GARS1: variants seen among roughly 807,000 people sequenced by gnomAD.
The protein encoded by GARS1 is glycyl-tRNA synthetase 1.
GARS1 carries 46 observed loss-of-function variants against 86.4 expected under a neutral mutation model. That is an observed-to-expected ratio of 0.53 (90% CI 0.42 to 0.68). GARS1 has a LOEUF of 0.68. Ranked by LOEUF, GARS1 falls within the 30% of genes least tolerant of loss-of-function variation. The probability of loss-of-function intolerance (pLI) is 0.00; values close to 1 mark genes in which losing one functional copy is unlikely to be tolerated. For synonymous variants in GARS1, 342 were observed against 329.8 expected, an observed-to-expected ratio of 1.04 and a Z score of -0.40; for missense variants, 797 against 915.6, an observed-to-expected ratio of 0.87 and a Z score of 1.67.
chr7:30,600,558 C>A (rs1300596811), intron 3 of GARS1, among the ~76,000 whole-genome samples: 4 of 152,184 alleles, frequency 2.6e-5, no homozygotes, highest in Non-Finnish European at 2.9e-5. Flanking sequence ...CTATATTTTT[C>A]ATAGTCAACG....
chr7:30,604,370 A>G (rs1791441514), intron 6 of GARS1, among the ~76,000 whole-genome samples: 1 of 152,158 alleles, frequency 6.6e-6, no homozygotes, highest in Non-Finnish European at 1.5e-5. Flanking sequence ...AATTTTATTT[A>G]CTTCCTTGGG....
intron 7 of GARS1, among the ~76,000 whole-genome samples, chr7:30,610,528 A>G (rs192588586): frequency 1.0e-3 from 156 of 152,346 alleles, no homozygotes; most frequent in African/African-American, 3.6e-3. Context: ...AGAAAAATTA[A>G]TTGTGACAAA....
At chr7:30,612,408 C>A (rs1782778404) in intron 8 of GARS1, among the ~76,000 whole-genome samples, 163 bp downstream of exon 8, 1 of 152,132 alleles carries the variant, frequency 6.6e-6, no homozygotes, top group Non-Finnish European at 1.5e-5. Flanking sequence ...TAAATGTAAT[C>A]TCCAGGATGA....
At chr7:30,601,388 G>A (rs1791375049) in intron 4 of GARS1, among the ~76,000 whole-genome samples, 188 bp downstream of exon 4, 1 of 152,184 alleles carries the variant, frequency 6.6e-6, no homozygotes, top group South Asian at 2.1e-4. Flanking sequence ...TAAGATGATT[G>A]TGTTTGTCCT....
chr7:30,630,449 C>T (rs548166942), intron 14 of GARS1, among the ~76,000 whole-genome samples: 17 of 150,826 alleles, frequency 1.1e-4, no homozygotes, highest in Admixed American at 9.2e-4. Context: ...TAAGAACTGC[C>T]TTCAGTTCCC....
chr7:30,595,244 G>A (rs1791221922), intron 1 of GARS1, 101 bp downstream of exon 1: 2 of 1,133,972 alleles, frequency 1.8e-6, no homozygotes, highest in Admixed American at 2.0e-5. Flanking sequence ...CTCCTCTTCG[G>A]TTACCCCTTT....
At chr7:30,628,703 T>A (rs530861909) in intron 14 of GARS1, 34 bp downstream of exon 14, 2 of 1,441,558 alleles carry the variant, frequency 1.4e-6, no homozygotes, top group African/African-American at 1.4e-5. Flanking sequence ...TGTTATAGTG[T>A]CAGAAAATAA....
intron 6 of GARS1, among the ~76,000 whole-genome samples, chr7:30,608,759 G>T (rs983857869): frequency 1.3e-5 from 2 of 152,116 alleles, no homozygotes; most frequent in African/African-American, 4.8e-5. Context: ...CAAGGTAGAA[G>T]CTGTTCTCCC....
rs141901563 is a variant in GARS1, at chr7:30,632,748, T to C, written c.2094+311T>C. 1.3e-5 allele frequency among the ~76,000 whole-genome samples: 2 copies of C among 152,380 alleles called. No homozygotes were observed. The highest frequency in any genetic ancestry group is 3.9e-4 in the East Asian group (2 of 5,192). On this transcript the variant is annotated intron_variant, in intron 16 of 16. Coordinates refer to ENST00000389266, the MANE Select transcript of GARS1 (RefSeq NM_002047.4). The surrounding 1 kb of genome is among the most constrained non-coding windows in gnomAD (Gnocchi z 4.1). ...TCCTAAGAATTTGTTGCCATAGTTTTATTGGTAGGCTTTGGAGGGTTAGAC... is the reference window on the plus strand; with the variant it reads ...TCCTAAGAATTTGTTGCCATAGTTTCATTGGTAGGCTTTGGAGGGTTAGAC...
chr7:30,603,513 A>G lies in GARS1; in HGVS notation c.676A>G (p.Met226Val), dbSNP rs372873420. ...TCTTACAGCTCATTTACAGAAATTG[A>G]TGTCTGATAAGAAGTGTTCTGTCGA... ...HLLKAHLQKL[M>V]SDKKCSVEKK... The change falls in exon 6 of 17, where the codon ATG (methionine) becomes GTG (valine). Residue 226 changes from methionine (M) to valine (V), a missense_variant. By Grantham distance (21) the Met-to-Val change is conservative. Around this residue, in one of 2 missense-constraint regions of GARS1, gnomAD observed 598 missense variants for 738.7 expected, o/e 0.81. Coordinates refer to ENST00000389266, the MANE Select transcript of GARS1 (RefSeq NM_002047.4). The G allele has an allele frequency of 1.9e-6, 3 of 1,613,706 alleles. No homozygotes were observed. The highest frequency in any genetic ancestry group is 2.2e-5 in the East Asian group (1 of 44,856).
chr7:30,610,260 G>A (rs919087284), intron 7 of GARS1, among the ~76,000 whole-genome samples: 2 of 152,172 alleles, frequency 1.3e-5, no homozygotes, highest in African/African-American at 4.8e-5. Flanking sequence ...TCTGCCTGGT[G>A]TCCTACCATA....
chr7:30,603,613 C>T (rs767324272), intron 6 of GARS1, 41 bp downstream of exon 6: 38 of 1,400,600 alleles, frequency 2.7e-5, no homozygotes, highest in Middle Eastern at 1.8e-4. Context: ...CCTAGGTGGT[C>T]GCTGTCCTTC....
At chr7:30,603,657 A>T (rs1325231262) in intron 6 of GARS1, 85 bp downstream of exon 6, 2 of 955,870 alleles carry the variant, frequency 2.1e-6, no homozygotes, top group South Asian at 1.3e-5. Flanking sequence ...ATTTCCCATT[A>T]TGCTGACCCT....
At chr7:30,614,488 G>A (rs1321110558) in intron 8 of GARS1, among the ~76,000 whole-genome samples, 1 of 152,062 alleles carries the variant, frequency 6.6e-6, no homozygotes, top group African/African-American at 2.4e-5. Context: ...CATTTATATG[G>A]GCACAGAAGA....
At chr7:30,613,904 T>C (rs556980044) in intron 8 of GARS1, among the ~76,000 whole-genome samples, 1 of 152,320 alleles carries the variant, frequency 6.6e-6, no homozygotes, top group East Asian at 1.9e-4. Context: ...TTTCCTTTTG[T>C]CCTTTTGTTA....
intron 12 of GARS1, chr7:30,622,696 G>A: frequency 6.0e-6 from 3 of 499,956 alleles, no homozygotes; most frequent in Non-Finnish European, 7.2e-6. Context: ...GACTTGTCCA[G>A]CCAGGCTGAG....
At chr7:30,613,977 C>G (rs1009312301) in intron 8 of GARS1, among the ~76,000 whole-genome samples, 1 of 152,114 alleles carries the variant, frequency 6.6e-6, no homozygotes, top group Non-Finnish European at 1.5e-5. Context: ...TTTTGATTGA[C>G]TTATCTGTCT....
rs1025667772 is a variant in GARS1, at chr7:30,609,559, C to T, written c.736-26C>T. On this transcript the variant is annotated intron_variant, in intron 6 of 16. Transcript: ENST00000389266. ...TATGCCTTGTTTTCTCTGTCTTTTA[C>T]ACTAATTTCTTTATATGTCTTTTAG... 5.0e-6 allele frequency: 8 copies of T among 1,601,418 alleles called. No individual in the cohort carries two copies. In the African/African-American group the frequency reaches 1.1e-4, roughly 21 times the overall value.
intron 13 of GARS1, among the ~76,000 whole-genome samples, chr7:30,628,308 C>A (rs571007135): frequency 6.6e-6 from 1 of 151,992 alleles, no homozygotes; most frequent in Non-Finnish European, 1.5e-5. Context: ...CCTCAGCCTC[C>A]GGAGTAGCTG....
Sources: allele counts gnomAD v4.1 joint callset (sites outside exome capture counted in the v4.1 genomes callset), GRCh38; gene constraint gnomAD v4.1.1; regional missense constraint gnomAD v4.1.1; non-coding constraint Gnocchi (gnomAD v3.1); transcripts MANE v1.5; gene names NCBI Gene and HGNC (gene_info 2026-07-23, HGNC 2026-07-21).